The following PRELID2 variants were observed in gnomAD, a reference collection of about 807,000 sequenced individuals.
PRELID2 encodes PRELI domain containing 2, also known as PRELI domain-containing protein 2.
PRELID2 carries 25 observed loss-of-function variants against 28.4 expected under a neutral mutation model. That is an observed-to-expected ratio of 0.88 (90% CI 0.64 to 1.23). PRELID2 has a LOEUF of 1.23. Among genes scored for constraint, PRELID2 ranks in the 50% most tolerant of loss-of-function variants. The probability of loss-of-function intolerance (pLI) is 0.00; values close to 1 mark genes in which losing one functional copy is unlikely to be tolerated. For missense variants in PRELID2, 201 were observed against 214.4 expected (o/e 0.94, Z 0.39); for synonymous variants, 76 against 71.6 (o/e 1.06, Z -0.31).
At chr5:145,519,698 T>C (rs1752547084) in intron 1 of PRELID2, among the ~76,000 whole-genome samples, 1 of 151,752 alleles carries the variant, frequency 6.6e-6, no homozygotes, top group South Asian at 2.1e-4. Flanking sequence ...TAAGGACCTA[T>C]TAAAAAGCTC....
intron 1 of PRELID2, among the ~76,000 whole-genome samples, chr5:145,666,774 G>A (rs1581039457): frequency 6.6e-6 from 1 of 152,094 alleles, no homozygotes; most frequent in South Asian, 2.1e-4. Context: ...AGCATTTCTC[G>A]AGTCCTTGTT....
intron 5 of PRELID2, among the ~76,000 whole-genome samples, chr5:145,790,779 CA>C (rs1752331080): frequency 7.3e-6 from 1 of 137,358 alleles, no homozygotes; most frequent in African/African-American, 2.6e-5. Flanking sequence ...TAAATATATA[CA>C]ATTATAATTT....
chr5:145,519,446 T>C (rs1044796267), intron 1 of PRELID2, among the ~76,000 whole-genome samples: 1 of 152,250 alleles, frequency 6.6e-6, no homozygotes, highest in African/African-American at 2.4e-5. Flanking sequence ...GAGGATGATG[T>C]CAATAACAGC....
At chr5:145,448,644 G>C in the PRELID2 span, among the ~76,000 whole-genome samples, 1 of 152,140 alleles carries the variant, frequency 6.6e-6, no homozygotes, top group Non-Finnish European at 1.5e-5. Context: ...CTATCTTATT[G>C]TTAAGAGGTA....
At chr5:145,229,081 G>A in the PRELID2 span, 4 of 1,541,886 alleles carry the variant, frequency 2.6e-6, no homozygotes, top group Non-Finnish European at 3.6e-6. Flanking sequence ...TACCTCCTGG[G>A]TACTTCTCTC....
intron 1 of PRELID2, among the ~76,000 whole-genome samples, chr5:145,520,025 A>G (rs1752550428): frequency 6.6e-6 from 1 of 152,188 alleles, no homozygotes; most frequent in African/African-American, 2.4e-5. Flanking sequence ...GCAAGTAGTC[A>G]GGATTCCGAC....
At position 145,835,326 on chromosome 5, in the gene PRELID2, C is replaced by T; in HGVS notation, c.-75G>A. 1 of 989,394 alleles carries T rather than the reference C, an allele frequency of 1.0e-6. No homozygotes were observed. 61.3% of individuals were successfully genotyped at this position (989,394 alleles called of 1,614,324 possible). ...AGCTGCCCAGGGCTCCGCAGAGGCCCGGAGGCGCCCACACTCGGACAGCCA... is the reference window on the plus strand; with the variant it reads ...AGCTGCCCAGGGCTCCGCAGAGGCCTGGAGGCGCCCACACTCGGACAGCCA... On this transcript the variant is annotated 5_prime_UTR_variant, in exon 1 of 7. Transcript: ENST00000683046.
rs1756821774 is a variant in PRELID2, at chr5:145,742,080, T to G, written n.70+22851A>C. ...TTAATTTATTTATAATTATACGTAATTATATATTTATAATTACATATAATT... is the reference window on the plus strand; with the variant it reads ...TTAATTTATTTATAATTATACGTAAGTATATATTTATAATTACATATAATT... On this transcript the variant is annotated intron_variant and non_coding_transcript_variant, in intron 1 of 2. Transcript: ENST00000510259. Among the ~76,000 whole-genome samples the G allele has an allele frequency of 1.1e-4, 4 of 36,966 alleles. No individual in the cohort carries two copies. In the South Asian group the frequency reaches 2.7e-3, roughly 25 times the overall value. The allele number at this position is 36,966 out of a possible 152,430, so 24.3% of individuals were successfully genotyped here. A position where few individuals can be genotyped will look rare whatever the true frequency, so the allele number is the denominator to read the frequency against.
At chr5:145,620,734 G>T (rs1382035115) in intron 1 of PRELID2, among the ~76,000 whole-genome samples, 4 of 108,912 alleles carry the variant, frequency 3.7e-5, no homozygotes, top group African/African-American at 1.5e-4. Context: ...AGCTACGTGG[G>T]TGGCTAAGGT....
At chr5:145,422,429 C>A in the PRELID2 span, among the ~76,000 whole-genome samples, 1 of 152,300 alleles carries the variant, frequency 6.6e-6, no homozygotes, top group East Asian at 1.9e-4. Context: ...GTATTGGGTG[C>A]ATATATTTTT....
the PRELID2 span, among the ~76,000 whole-genome samples, chr5:145,383,139 A>G: frequency 2.0e-5 from 3 of 149,746 alleles, no homozygotes; most frequent in Non-Finnish European, 4.4e-5. Context: ...ATTCTAAAAC[A>G]TGTGGGAAAA....
chr5:145,359,097 C>A, the PRELID2 span, among the ~76,000 whole-genome samples: 1 of 152,138 alleles, frequency 6.6e-6, no homozygotes, highest in East Asian at 1.9e-4. Context: ...CTCACATGGA[C>A]CAATCTTTAA....
chr5:145,402,354 A>C, the PRELID2 span, among the ~76,000 whole-genome samples: 2 of 152,158 alleles, frequency 1.3e-5, no homozygotes, highest in Admixed American at 6.6e-5. Flanking sequence ...ATACTTAAGC[A>C]CTCATACTAC....
chr5:145,713,377 A>G (rs1288719652), intron 1 of PRELID2, among the ~76,000 whole-genome samples: 5 of 114,264 alleles, frequency 4.4e-5, no homozygotes, highest in African/African-American at 1.8e-4. Context: ...TATACTTTAC[A>G]TTATATATAT....
the PRELID2 span, among the ~76,000 whole-genome samples, chr5:145,349,241 C>T: frequency 6.6e-6 from 1 of 152,066 alleles, no homozygotes; most frequent in South Asian, 2.1e-4. Context: ...CTCAACTAAA[C>T]CCCCTTTTTG....
chr5:145,339,217 A>G, the PRELID2 span, among the ~76,000 whole-genome samples: 3 of 152,210 alleles, frequency 2.0e-5, no homozygotes, highest in African/African-American at 7.2e-5. Flanking sequence ...TTCACACTGC[A>G]AGTAAATTTT....
At chr5:145,517,492 A>G (rs1752527106) in intron 1 of PRELID2, among the ~76,000 whole-genome samples, 1 of 152,176 alleles carries the variant, frequency 6.6e-6, no homozygotes, top group African/African-American at 2.4e-5. Context: ...AGGAAACAAC[A>G]GATTCTGGAG....
chr5:145,758,436 T>G lies in PRELID2; in HGVS notation c.*2100A>C, dbSNP rs1160063108. Among the ~76,000 whole-genome samples, 1 of 152,162 alleles carries G rather than the reference T, an allele frequency of 6.6e-6. No individual in the cohort carries two copies. Among genetic ancestry groups the G allele is most frequent in the African/African-American group, 2.4e-5 (1 of 41,448 alleles). The stretch of plus-strand genomic sequence containing the variant: ...CCACTGGAACTACCAAAGGAGTTTT[T>G]TTTAAAGCTGATGCCTTGGTTCCAC... On this transcript the variant is annotated 3_prime_UTR_variant, in exon 7 of 7. Transcript: ENST00000683046.
At chr5:145,315,169 A>G in the PRELID2 span, among the ~76,000 whole-genome samples, 3 of 148,884 alleles carry the variant, frequency 2.0e-5, no homozygotes, top group African/African-American at 7.5e-5. Flanking sequence ...TCCCGGGCTC[A>G]AGCGATTCTC....
Sources: allele counts gnomAD v4.1 joint callset (sites outside exome capture counted in the v4.1 genomes callset), GRCh38; gene constraint gnomAD v4.1.1; transcripts MANE v1.5; gene names NCBI Gene and HGNC (gene_info 2026-07-23, HGNC 2026-07-21).